LMO7: variants seen among roughly 807,000 people sequenced by gnomAD.
The protein encoded by LMO7 is LIM domain only protein 7.
LMO7 carries 120 observed loss-of-function variants against 206.5 expected under a neutral mutation model. The observed-to-expected ratio is 0.58, with a 90% CI of 0.50 to 0.68. The LOEUF is 0.68. Ranked by LOEUF, LMO7 falls within the 30% of genes least tolerant of loss-of-function variation. LMO7 has a pLI of 0.00. For missense variants in LMO7, 1,959 were observed against 1,957.9 expected, an observed-to-expected ratio of 1.00 and a Z score of -0.01; for synonymous variants, 706 against 681.5, an observed-to-expected ratio of 1.04 and a Z score of -0.56.
chr13:75,637,138 C>T (rs1352207224), intron 1 of LMO7, among the ~76,000 whole-genome samples: 1 of 147,930 alleles, frequency 6.8e-6, no homozygotes, highest in Non-Finnish European at 1.5e-5. Context: ...AGTGGGGATG[C>T]TCACCTTATA....
At chr13:75,794,718 T>C (rs985330886) in intron 4 of LMO7, among the ~76,000 whole-genome samples, 5 of 152,182 alleles carry the variant, frequency 3.3e-5, no homozygotes, top group African/African-American at 9.7e-5. Context: ...TTGTTGCTTC[T>C]TCAACACTGT....
In LMO7 at chr13:75,678,800, TC is replaced by T. The variant is rs572526673; in HGVS notation, c.70-34380del. On this transcript the variant is annotated intron_variant, in intron 1 of 30. Transcript: ENST00000377534. ...CCATAAATACAAGCGTTTTAGATGT[TC>T]CATGATTAACGTTTGTTTTAAGAGT... 2.4e-4 allele frequency among the ~76,000 whole-genome samples: 37 copies of T among 152,366 alleles called. No individual in the cohort carries two copies. In the East Asian group the frequency reaches 6.6e-3, roughly 27 times the overall value.
At chr13:75,696,318 G>A (rs539977990) in intron 1 of LMO7, among the ~76,000 whole-genome samples, 1 of 152,244 alleles carries the variant, frequency 6.6e-6, no homozygotes, top group African/African-American at 2.4e-5. Context: ...TTGTGCCATT[G>A]CACTCCAGCC....
intron 3 of LMO7, among the ~76,000 whole-genome samples, chr13:75,749,957 T>C (rs377757254): frequency 1.3e-5 from 2 of 152,054 alleles, no homozygotes; most frequent in African/African-American, 4.8e-5. Flanking sequence ...CTATATATTA[T>C]AGTCATAAAA....
chr13:75,856,152 G>T (rs2060918790), intron 29 of LMO7, among the ~76,000 whole-genome samples: 1 of 152,174 alleles, frequency 6.6e-6, no homozygotes, highest in East Asian at 1.9e-4. Flanking sequence ...GAGTGCCAGG[G>T]CCCAGCCTTC....
At chr13:75,751,946 A>C (rs150560494) in intron 3 of LMO7, among the ~76,000 whole-genome samples, 1 of 152,228 alleles carries the variant, frequency 6.6e-6, no homozygotes, top group African/African-American at 2.4e-5. Context: ...TCCTTCAAGT[A>C]AAAGTGAAAG....
chr13:75,791,421 C>A (rs1352691793), intron 4 of LMO7, among the ~76,000 whole-genome samples: 1 of 152,050 alleles, frequency 6.6e-6, no homozygotes, highest in Non-Finnish European at 1.5e-5. Flanking sequence ...AGTATTGTCT[C>A]CTGAGCTTTT....
rs1485800396 is a variant in LMO7 at position 75,736,765 on chromosome 13, A to T, written c.210+9667A>T. Among the ~76,000 whole-genome samples the T allele has an allele frequency of 3.3e-5, 5 of 152,230 alleles. No homozygotes were observed. In the South Asian group the frequency reaches 8.3e-4, roughly 25 times the overall value. On this transcript the variant is annotated intron_variant, in intron 3 of 30. Transcript: ENST00000377534. ...GAACTGTGAAGACTGACCTCTAAGG[A>T]TTCCTTGAGGAGGAGGATGTTAGAA...
At chr13:75,629,141 C>T (rs185801158) in intron 2 of LMO7, among the ~76,000 whole-genome samples, 4 of 152,252 alleles carry the variant, frequency 2.6e-5, no homozygotes, top group Admixed American at 2.0e-4. Flanking sequence ...AAGAATTATC[C>T]GACCCAGATT....
chr13:75,838,263 G>A, intron 20 of LMO7, 67 bp downstream of exon 20: 2 of 1,514,864 alleles, frequency 1.3e-6, no homozygotes, highest in Non-Finnish European at 9.1e-7. Flanking sequence ...TCTTCCTCAT[G>A]GTCTGTGGTG....
At chr13:75,735,483 G>A (rs906461976) in intron 3 of LMO7, among the ~76,000 whole-genome samples, 1 of 152,118 alleles carries the variant, frequency 6.6e-6, no homozygotes, top group Non-Finnish European at 1.5e-5. Flanking sequence ...ATTTTTTTGA[G>A]ATGGAGTCTC....
At chr13:75,684,014 G>A (rs1409013566) in intron 1 of LMO7, among the ~76,000 whole-genome samples, 1 of 152,018 alleles carries the variant, frequency 6.6e-6, no homozygotes, top group African/African-American at 2.4e-5. Context: ...TGTTAATGTT[G>A]GTCAGCTTTT....
At chr13:75,792,652 A>G (rs1033176734) in intron 4 of LMO7, among the ~76,000 whole-genome samples, 1 of 152,190 alleles carries the variant, frequency 6.6e-6, no homozygotes, top group Non-Finnish European at 1.5e-5. Flanking sequence ...CTGTGGCCAC[A>G]TGACAGGCAA....
chr13:75,725,869 T>C (rs191948245), intron 2 of LMO7, among the ~76,000 whole-genome samples: 2 of 152,202 alleles, frequency 1.3e-5, no homozygotes, highest in Admixed American at 6.5e-5. Context: ...TGAATCCTGT[T>C]GAACAACATT....
At chr13:75,811,952 T>G (rs2056445847) in intron 11 of LMO7, among the ~76,000 whole-genome samples, 1 of 152,144 alleles carries the variant, frequency 6.6e-6, no homozygotes, top group Admixed American at 6.6e-5. Context: ...CACTTATGGG[T>G]TTGGCCAAAA....
In LMO7 at chr13:75,636,572, C is replaced by T. The variant is rs535109251; in HGVS notation, c.-86C>T. The T allele has an allele frequency of 1.3e-6, 2 of 1,537,174 alleles. No individual in the cohort carries two copies. Among genetic ancestry groups the T allele is most frequent in the African/African-American group, 1.4e-5 (1 of 72,898 alleles). On this transcript the variant is annotated 5_prime_UTR_variant, in exon 1 of 31. Coordinates refer to ENST00000377534, the MANE Select transcript of LMO7 (RefSeq NM_001306080.2). ...CGGAGTTGTGGGAGGCCCGCGTGCCCTCCCCGCCCGTGGGGCCCAGACGCG... is the reference window on the plus strand; with the variant it reads ...CGGAGTTGTGGGAGGCCCGCGTGCCTTCCCCGCCCGTGGGGCCCAGACGCG...
chr13:75,772,081 C>T (rs972511744), intron 4 of LMO7, among the ~76,000 whole-genome samples: 1 of 152,084 alleles, frequency 6.6e-6, no homozygotes, highest in Non-Finnish European at 1.5e-5. Flanking sequence ...CAAGAAATGA[C>T]TCAAGCACAG....
At chr13:75,642,879 T>TA (rs2036677619) in intron 1 of LMO7, among the ~76,000 whole-genome samples, 1 of 152,208 alleles carries the variant, frequency 6.6e-6, no homozygotes, top group African/African-American at 2.4e-5. Context: ...AACATTTATG[T>TA]AACAAATGAC....
chr13:75,767,607 A>G (rs1435081160), intron 4 of LMO7, among the ~76,000 whole-genome samples: 3 of 152,090 alleles, frequency 2.0e-5, no homozygotes, highest in African/African-American at 7.2e-5. Context: ...TGACTTTGGC[A>G]TAACTAGAAA....
Sources: allele counts gnomAD v4.1 joint callset (sites outside exome capture counted in the v4.1 genomes callset), GRCh38; gene constraint gnomAD v4.1.1; transcripts MANE v1.5; gene names NCBI Gene and HGNC (gene_info 2026-07-23, HGNC 2026-07-21).